TMEM132C: variants seen among roughly 807,000 people sequenced by gnomAD.
TMEM132C encodes transmembrane protein 132C.
Under a neutral mutation model 61.4 loss-of-function variants are expected in TMEM132C, and 29 were observed. The ratio of observed to expected loss-of-function variants is 0.47; its 90% CI spans 0.35 to 0.64. The LOEUF (loss-of-function observed/expected upper bound fraction) is 0.64, where lower values mean the gene tolerates loss of function less well. Ranked by LOEUF, TMEM132C falls within the 30% of genes least tolerant of loss-of-function variation. TMEM132C has a pLI of 0.00. For missense variants in TMEM132C, 1,408 were observed against 1,476.9 expected (o/e 0.95, Z 0.76); for synonymous variants, 656 against 633.1 (o/e 1.04, Z -0.54).
chr12:128,306,356 C>T (rs1297533686), intron 1 of TMEM132C, among the ~76,000 whole-genome samples: 1 of 152,058 alleles, frequency 6.6e-6, no homozygotes, highest in African/African-American at 2.4e-5. Flanking sequence ...TGCCCGCCAC[C>T]ACGCCTGGCT....
intron 2 of TMEM132C, among the ~76,000 whole-genome samples, chr12:128,520,702 G>A (rs1225602159): frequency 6.6e-6 from 1 of 152,194 alleles, no homozygotes; most frequent in South Asian, 2.1e-4. Flanking sequence ...ATTAAAGCAA[G>A]AGGAGAGAAA....
rs1868703861 is a variant in TMEM132C, at chr12:128,414,870, C to T, written c.224C>T (p.Ser75Phe). The T allele has an allele frequency of 1.9e-6, 3 of 1,551,472 alleles. No individual in the cohort carries two copies. Among genetic ancestry groups the T allele is most frequent in the Non-Finnish European group, 1.7e-6 (2 of 1,147,146 alleles). Residue 75 changes from serine (S) to phenylalanine (F), a missense_variant, in exon 2 of 9, where the codon TCC becomes TTC. Coordinates refer to ENST00000435159, the MANE Select transcript of TMEM132C (RefSeq NM_001136103.3). ...KEANQDLLRN[S>F]SLQARVESFF... ...GCCAACCAGGACCTGCTGCGGAACT[C>T]CAGCCTGCAGGCGAGGGTGGAGTCC...
At chr12:128,510,633 C>T (rs1022764465) in intron 2 of TMEM132C, among the ~76,000 whole-genome samples, 6 of 152,210 alleles carry the variant, frequency 3.9e-5, no homozygotes, top group South Asian at 2.1e-4. Context: ...CTCTGGCTTC[C>T]GTCCCACTTC....
At chr12:128,652,510 A>G (rs905093745) in intron 4 of TMEM132C, among the ~76,000 whole-genome samples, 1 of 152,266 alleles carries the variant, frequency 6.6e-6, no homozygotes. Context: ...GACACCATCC[A>G]AGAACGTTTA....
chr12:128,669,393 A>G (rs1954507956), intron 4 of TMEM132C, 24 bp from the exon 5 acceptor site: 1 of 1,551,142 alleles, frequency 6.4e-7, no homozygotes, highest in Admixed American at 2.0e-5. Flanking sequence ...CCCTTGACCC[A>G]GTGTGTTTGA....
chr12:128,497,566 A>G (rs1001107378), intron 2 of TMEM132C, among the ~76,000 whole-genome samples: 2 of 152,172 alleles, frequency 1.3e-5, no homozygotes, highest in African/African-American at 2.4e-5. Flanking sequence ...GCTGCCTTGC[A>G]GTTAGATCTC....
intron 1 of TMEM132C, among the ~76,000 whole-genome samples, chr12:128,392,056 C>CTG (rs1418468854): frequency 1.0e-4 from 7 of 68,492 alleles, no homozygotes; most frequent in African/African-American, 5.5e-4. Flanking sequence ...GTCTCTGTCT[C>CTG]TCTCTCTTTC....
rs563377206 is a variant in TMEM132C at position 128,460,230 on chromosome 12, T to C, written c.974+44610T>C. Among the ~76,000 whole-genome samples, 5 of 152,240 alleles carry C rather than the reference T, an allele frequency of 3.3e-5. No individual in the cohort carries two copies. In the South Asian group the frequency reaches 6.2e-4, roughly 19 times the overall value. ...TGGGTCATCTAAATAAAAACTGTGG[T>C]AGAACAAACTTCAGGCATGGCTGGA... is the stretch of plus-strand genomic sequence containing the variant. On this transcript the variant is annotated intron_variant, in intron 2 of 8. Coordinates refer to ENST00000435159, the MANE Select transcript of TMEM132C (RefSeq NM_001136103.3).
intron 2 of TMEM132C, among the ~76,000 whole-genome samples, chr12:128,533,033 A>G (rs1230356061): frequency 6.6e-6 from 1 of 152,144 alleles, no homozygotes; most frequent in Non-Finnish European, 1.5e-5. Flanking sequence ...GGGTTTGGAT[A>G]TAAGTGTGGG....
chr12:128,482,743 A>G (rs975902544), intron 2 of TMEM132C, among the ~76,000 whole-genome samples: 7 of 151,934 alleles, frequency 4.6e-5, no homozygotes, highest in Non-Finnish European at 8.8e-5. Context: ...CTTCTTCAGT[A>G]TCAAGCACCC....
Position 128,706,484 on chromosome 12 carries a change from G to A in TMEM132C, c.*189G>A, listed in dbSNP as rs1954841911. 2.7e-6 allele frequency: 2 copies of A among 748,708 alleles called. No individual in the cohort carries two copies. Among genetic ancestry groups the A allele is most frequent in the Admixed American group, 7.0e-5 (2 of 28,422 alleles). 46.4% of individuals were successfully genotyped at this position (748,708 alleles called of 1,614,324 possible). A position where few individuals can be genotyped will look rare whatever the true frequency, so the allele number is the denominator to read the frequency against. On this transcript the variant is annotated 3_prime_UTR_variant, in exon 9 of 9. Coordinates refer to ENST00000435159, the MANE Select transcript of TMEM132C (RefSeq NM_001136103.3). ...GGGATTTTTAGCAGTTAATGGTGGT[G>A]GATTTTTAAAGGTCAGGGGAATAAA...
At chr12:128,668,120 A>G (rs535409283) in intron 4 of TMEM132C, among the ~76,000 whole-genome samples, 2 of 152,192 alleles carry the variant, frequency 1.3e-5, no homozygotes, top group Non-Finnish European at 2.9e-5. Context: ...AAGAAAAGTA[A>G]AAAATTAAAA....
At chr12:128,444,569 T>G (rs983498824) in intron 2 of TMEM132C, among the ~76,000 whole-genome samples, 9 of 152,174 alleles carry the variant, frequency 5.9e-5, no homozygotes, top group African/African-American at 2.2e-4. Flanking sequence ...CACGGGGAAA[T>G]ACTTGGGAAG....
chr12:128,313,049 C>T (rs1054122761), intron 1 of TMEM132C, among the ~76,000 whole-genome samples: 1 of 152,228 alleles, frequency 6.6e-6, no homozygotes, highest in African/African-American at 2.4e-5. Context: ...AGAGAGGCAA[C>T]ATAACAAGCT....
In TMEM132C at chr12:128,695,874, G is replaced by A; in HGVS notation, c.1700G>A (p.Gly567Asp). ...SEDEDEEERR[G>D]RGCALQYQHA... Reference sequence around the variant, plus strand: ...GATGAGGACGAGGAGGAGCGGCGGGGCCGGGGCTGCGCACTGCAATACCAG... The same window carrying A: ...GATGAGGACGAGGAGGAGCGGCGGGACCGGGGCTGCGCACTGCAATACCAG... The change falls in exon 7 of 9, where the codon GGC (glycine) becomes GAC (aspartate). Residue 567 changes from glycine (G) to aspartate (D), a missense_variant. Physicochemically the swap from Gly to Asp is moderately conservative, Grantham distance 94 (BLOSUM62 -1). Transcript: ENST00000435159. The A allele has an allele frequency of 6.5e-7, 1 of 1,549,266 alleles. No individual in the cohort carries two copies. Among genetic ancestry groups the A allele is most frequent in the Non-Finnish European group, 8.7e-7 (1 of 1,145,758 alleles).
At chr12:128,652,972 C>T (rs2135612422) in intron 4 of TMEM132C, among the ~76,000 whole-genome samples, 1 of 152,296 alleles carries the variant, frequency 6.6e-6, no homozygotes, top group Admixed American at 6.5e-5. Flanking sequence ...AAGACTTGTA[C>T]TTAAATGTTC....
intron 3 of TMEM132C, among the ~76,000 whole-genome samples, chr12:128,597,484 G>GGAAGGAAA (rs1349924356): frequency 4.5e-5 from 4 of 89,354 alleles, no homozygotes; most frequent in African/African-American, 1.5e-4. Context: ...GAGGAAGGAA[G>GGAAGGAAA]GAAGGAAGGA....
Position 128,706,043 on chromosome 12 carries a change from T to C in TMEM132C, c.3075T>C (p.Ile1025=), listed in dbSNP as rs1324204924. The change falls in exon 9 of 9, where the codon ATT becomes ATC. Residue 1025 remains isoleucine, a synonymous_variant. Coordinates refer to ENST00000435159, the MANE Select transcript of TMEM132C (RefSeq NM_001136103.3). ...GGSHKHVQSQ[I]HRSADSGGRQ... is the part of the protein sequence containing the mutation. ...CCCACAAGCACGTGCAGAGCCAGAT[T>C]CACAGGTCAGCCGACTCCGGGGGGC... 2.6e-6 allele frequency: 4 copies of C among 1,551,470 alleles called. No individual in the cohort carries two copies. The highest frequency in any genetic ancestry group is 3.5e-6 in the Non-Finnish European group (4 of 1,146,986).
At chr12:128,418,054 C>T (rs1201306179) in intron 2 of TMEM132C, among the ~76,000 whole-genome samples, 2 of 152,134 alleles carry the variant, frequency 1.3e-5, no homozygotes, top group African/African-American at 4.8e-5. Context: ...AGATCAAAGT[C>T]CTGGGGAGAG....
Sources: gnomAD v4.1 joint callset for allele counts (sites outside exome capture counted in the v4.1 genomes callset) on GRCh38, gnomAD v4.1.1 for gene constraint, MANE v1.5 for transcripts, NCBI Gene and HGNC (gene_info 2026-07-23, HGNC 2026-07-21) for gene names.